IMPG2: variants seen among roughly 807,000 people sequenced by gnomAD.
The protein encoded by IMPG2 is interphotoreceptor matrix proteoglycan 2.
IMPG2 carries 91 observed loss-of-function variants against 129.2 expected under a neutral mutation model. That is an observed-to-expected ratio of 0.70 (90% CI 0.59 to 0.84). IMPG2 has a LOEUF of 0.84. Ranked by LOEUF, IMPG2 falls within the 40% of genes least tolerant of loss-of-function variation. The pLI is 0.00. For synonymous variants in IMPG2, 510 were observed against 517.7 expected, an observed-to-expected ratio of 0.99 and a Z score of 0.20; for missense variants, 1,430 against 1,461.7, an observed-to-expected ratio of 0.98 and a Z score of 0.35.
At chr3:101,299,775 T>C (rs751035104) in intron 3 of IMPG2, among the ~76,000 whole-genome samples, 1 of 152,174 alleles carries the variant, frequency 6.6e-6, no homozygotes, top group Non-Finnish European at 1.5e-5. Context: ...GGGTGCCTGC[T>C]CCTTCCTCTG....
chr3:101,254,358 C>T (rs932136671), intron 10 of IMPG2, among the ~76,000 whole-genome samples: 6 of 152,088 alleles, frequency 3.9e-5, no homozygotes, highest in Non-Finnish European at 7.4e-5. Context: ...AGGCTATAAA[C>T]ATCAATAAAG....
rs1706219172 is a variant in IMPG2, at chr3:101,226,154, G to A, written c.*815C>T. On this transcript the variant is annotated 3_prime_UTR_variant, in exon 19 of 19. Coordinates refer to ENST00000193391, the MANE Select transcript of IMPG2 (RefSeq NM_016247.4). ...AATATATTCTCAGCACTGGGGTCTT[G>A]ACCCGACACTCACTCCCTCCCTGCC... 7.0e-6 allele frequency: 1 copy of A among 142,814 alleles called. No homozygotes were observed. Among genetic ancestry groups the A allele is most frequent in the Non-Finnish European group, 1.6e-5 (1 of 64,350 alleles). The allele number at this position is 142,814 out of a possible 1,614,324, so 8.8% of individuals were successfully genotyped here. A position where few individuals can be genotyped will look rare whatever the true frequency, so the allele number is the denominator to read the frequency against.
chr3:101,229,320 G>GGGCC, intron 17 of IMPG2, 60 bp downstream of exon 17: 7 of 519,326 alleles, frequency 1.3e-5, no homozygotes, highest in South Asian at 2.2e-5. Context: ...ACCACCCCCT[G>GGGCC]CTCCCCCACA....
At chr3:101,248,828 G>A (rs888154475) in intron 11 of IMPG2, among the ~76,000 whole-genome samples, 1 of 152,146 alleles carries the variant, frequency 6.6e-6, no homozygotes, top group Non-Finnish European at 1.5e-5. Context: ...GGGTCACCAT[G>A]CTGATTATTC....
Position 101,319,660 on chromosome 3 carries a change from A to G in IMPG2, c.258T>C (p.Pro86=), listed in dbSNP as rs2058801680. The change falls in exon 2 of 19, where the codon CCT becomes CCC. Residue 86 remains proline, a synonymous_variant. Transcript: ENST00000193391. The part of the protein sequence containing the change: ...LIRRRRSILF[P]NGVKICPDES... ...CATCTGGGCAGATTTTCACTCCATT[A>G]GGAAACAGAATAGATCTCCGCCTTC... 6.2e-7 allele frequency: 1 copy of G among 1,613,758 alleles called. No individual in the cohort carries two copies.
chr3:101,253,467 T>C (rs1314277268), intron 11 of IMPG2, among the ~76,000 whole-genome samples: 1 of 152,152 alleles, frequency 6.6e-6, no homozygotes, highest in Non-Finnish European at 1.5e-5. Context: ...CTACCCTGTG[T>C]GGAGTTTGGC....
At chr3:101,306,048 CAGA>C (rs1431550119) in intron 2 of IMPG2, among the ~76,000 whole-genome samples, 1 of 152,196 alleles carries the variant, frequency 6.6e-6, no homozygotes, top group Non-Finnish European at 1.5e-5. Flanking sequence ...CTCCCACAGT[CAGA>C]AGATCTAAGT....
intron 9 of IMPG2, among the ~76,000 whole-genome samples, chr3:101,266,735 T>G (rs542981739): frequency 3.3e-5 from 5 of 152,260 alleles, no homozygotes; most frequent in Admixed American, 3.3e-4. Context: ...TGGCTTGAGA[T>G]AGCCACTGGA....
In IMPG2 at chr3:101,288,924, C is replaced by T. The variant is rs115620865; in HGVS notation, c.533+2555G>A. Among the ~76,000 whole-genome samples the T allele has an allele frequency of 7.8e-3, 1,186 of 152,228 alleles. 4 individuals carry two copies. Among genetic ancestry groups the T allele is most frequent in the Non-Finnish European group, 0.014 (935 of 68,012 alleles). ...AACACAAGTATGTTTTGATATTGGT[C>T]TGATTGGTTAAACAAAGTCAACCAA... On this transcript the variant is annotated intron_variant, in intron 4 of 18. Transcript: ENST00000193391.
At chr3:101,266,293 T>C (rs541998002) in intron 9 of IMPG2, among the ~76,000 whole-genome samples, 8 of 152,210 alleles carry the variant, frequency 5.3e-5, no homozygotes, top group Admixed American at 1.3e-4. Flanking sequence ...AGCCAAGATA[T>C]GGGGTCAACC....
intron 4 of IMPG2, among the ~76,000 whole-genome samples, chr3:101,278,979 G>A (rs1203607658): frequency 1.3e-5 from 2 of 152,154 alleles, no homozygotes; most frequent in African/African-American, 4.8e-5. Context: ...GGATTCAGAT[G>A]CATTCAGAAG....
chr3:101,249,463 A>T (rs1226475884), intron 11 of IMPG2, among the ~76,000 whole-genome samples: 4 of 152,168 alleles, frequency 2.6e-5, no homozygotes, highest in African/African-American at 9.7e-5. Flanking sequence ...GGCTAAATGT[A>T]AATTTAGCCA....
chr3:101,244,551 CT>C lies in IMPG2; in HGVS notation c.1779del (p.Glu594SerfsTer2). The C allele has an allele frequency of 6.3e-7, 1 of 1,594,748 alleles. No individual in the cohort carries two copies. Among genetic ancestry groups the C allele is most frequent in the Non-Finnish European group, 8.5e-7 (1 of 1,170,906 alleles). On this transcript the variant is annotated frameshift_variant, in exon 13 of 19. Transcript: ENST00000193391. LOFTEE classifies it high-confidence loss of function. ...SPFLPDASME[K>X]ELIFDGGLGS... ...CCTAAACCACCGTCAAATATTAACT[CT>C]TTTTCCATGGATGCATCTGGCAGGA... is the stretch of plus-strand genomic sequence containing the variant.
At chr3:101,250,174 C>T (rs954181750) in intron 11 of IMPG2, among the ~76,000 whole-genome samples, 1 of 152,138 alleles carries the variant, frequency 6.6e-6, no homozygotes, top group Admixed American at 6.6e-5. Context: ...GCAGAGTGCT[C>T]CTACATAACT....
intron 3 of IMPG2, among the ~76,000 whole-genome samples, chr3:101,300,468 G>C (rs1333047930): frequency 6.6e-6 from 1 of 152,266 alleles, no homozygotes; most frequent in Non-Finnish European, 1.5e-5. Flanking sequence ...TTCTAGCTTA[G>C]TGGCTGTTGA....
chr3:101,257,293 C>A (rs1706621098), intron 10 of IMPG2, among the ~76,000 whole-genome samples: 1 of 152,100 alleles, frequency 6.6e-6, no homozygotes, highest in Non-Finnish European at 1.5e-5. Flanking sequence ...CTCTAAACTA[C>A]TTCTAACTGC....
chr3:101,226,688 C>T lies in IMPG2; in HGVS notation c.*281G>A. On this transcript the variant is annotated 3_prime_UTR_variant, in exon 19 of 19. Coordinates refer to ENST00000193391, the MANE Select transcript of IMPG2 (RefSeq NM_016247.4). ...GCAGACAGCAACTGCAGCCCTAAATCCTAGGTCCAGCTTTTTCTTATAGAA... is the reference window on the plus strand; with the variant it reads ...GCAGACAGCAACTGCAGCCCTAAATTCTAGGTCCAGCTTTTTCTTATAGAA... 2.5e-6 allele frequency: 1 copy of T among 393,778 alleles called. No individual in the cohort carries two copies. The highest frequency in any genetic ancestry group is 4.5e-6 in the Non-Finnish European group (1 of 221,094). 24.4% of individuals were successfully genotyped at this position (393,778 alleles called of 1,614,324 possible).
At position 101,243,801 on chromosome 3, in the gene IMPG2, G is replaced by A. The variant is rs775130893; in HGVS notation, c.2530C>T (p.Arg844Trp). 5.6e-5 allele frequency: 91 copies of A among 1,613,912 alleles called. No individual in the cohort carries two copies. Among genetic ancestry groups the A allele is most frequent in the South Asian group, 6.6e-5 (6 of 91,070 alleles). The change falls in exon 13 of 19, where the codon CGG becomes TGG. Residue 844 changes from arginine to tryptophan, a missense_variant. By Grantham distance (101) the Arg-to-Trp change is moderately radical. Coordinates refer to ENST00000193391, the MANE Select transcript of IMPG2 (RefSeq NM_016247.4). ...GVQDISLELD[R>W]IGTDYYQPEQ... ...GGCTGATAGTAATCTGTGCCTATCCGGTCCAGTTCTAACGAAATATCCTGT... is the reference window on the plus strand; with the variant it reads ...GGCTGATAGTAATCTGTGCCTATCCAGTCCAGTTCTAACGAAATATCCTGT...
At chr3:101,260,456 A>G (rs1001752567) in intron 9 of IMPG2, among the ~76,000 whole-genome samples, 1 of 152,184 alleles carries the variant, frequency 6.6e-6, no homozygotes, top group Admixed American at 6.5e-5. Context: ...ATGCTAAAAT[A>G]TCAAATGATG....
Sources: allele counts gnomAD v4.1 joint callset (sites outside exome capture counted in the v4.1 genomes callset), GRCh38; gene constraint gnomAD v4.1.1; transcripts MANE v1.5; gene names NCBI Gene and HGNC (gene_info 2026-07-23, HGNC 2026-07-21).